KIAA1217: variants seen among roughly 807,000 people sequenced by gnomAD.
KIAA1217 encodes the protein sickle tail protein homolog.
A neutral mutation model predicts 163.9 loss-of-function variants in KIAA1217; 88 were observed. The ratio of observed to expected loss-of-function variants is 0.54; its 90% CI spans 0.45 to 0.64. The LOEUF (loss-of-function observed/expected upper bound fraction) is 0.64, where lower values mean the gene tolerates loss of function less well. Ranked by LOEUF, KIAA1217 falls within the 30% of genes least tolerant of loss-of-function variation. KIAA1217 has a pLI of 0.00. For synonymous variants in KIAA1217, 903 were observed against 923.1 expected (o/e 0.98, Z 0.39); for missense variants, 2,372 against 2,475.0 (o/e 0.96, Z 0.88).
At chr10:24,152,726 T>TA (rs34022726) in intron 2 of KIAA1217, among the ~76,000 whole-genome samples, 39,610 of 144,532 alleles carry the variant, frequency 0.27, 6,453 homozygotes, top group Non-Finnish European at 0.37. Flanking sequence ...TCTATTCCCT[T>TA]AAAAAAAAAA....
At chr10:24,495,257 G>T in intron 8 of KIAA1217, 61 bp downstream of exon 8, 1 of 1,378,262 alleles carries the variant, frequency 7.3e-7, no homozygotes, top group Non-Finnish European at 1.0e-6. Flanking sequence ...AGCCCTGGCT[G>T]GTCTCAGAAA....
At chr10:23,851,822 T>G (rs1178412722) in intron 1 of KIAA1217, among the ~76,000 whole-genome samples, 1 of 152,014 alleles carries the variant, frequency 6.6e-6, no homozygotes, top group Non-Finnish European at 1.5e-5. Context: ...TTTTGAGAAG[T>G]GTCTGTTCAT....
At chr10:24,285,730 A>G (rs1402250468) in intron 2 of KIAA1217, among the ~76,000 whole-genome samples, 2 of 152,204 alleles carry the variant, frequency 1.3e-5, no homozygotes, top group Non-Finnish European at 2.9e-5. Flanking sequence ...TTCTAATTCT[A>G]TGAAAAATGA....
chr10:24,201,705 G>T (rs1015989268), intron 2 of KIAA1217, among the ~76,000 whole-genome samples: 1 of 150,646 alleles, frequency 6.6e-6, no homozygotes, highest in Admixed American at 6.6e-5. Flanking sequence ...CTCTGCTTCC[G>T]CCCCACCTTC....
chr10:24,533,988 GTA>G (rs1409432339), intron 16 of KIAA1217, among the ~76,000 whole-genome samples: 1 of 152,134 alleles, frequency 6.6e-6, no homozygotes, highest in Non-Finnish European at 1.5e-5. Context: ...TTTGTGTAGA[GTA>G]TTTCATTTGC....
Position 24,351,973 on chromosome 10 carries a change from A to G in KIAA1217, c.355-28896A>G, listed in dbSNP as rs568295640. Among the ~76,000 whole-genome samples the G allele has an allele frequency of 1.4e-4, 21 of 152,300 alleles. No homozygotes were observed. In the South Asian group the frequency reaches 3.7e-3, roughly 27 times the overall value. On this transcript the variant is annotated intron_variant, in intron 2 of 20. Coordinates refer to ENST00000376454, the MANE Select transcript of KIAA1217 (RefSeq NM_019590.5). ...TGGTTGATGGGCAGGACAGGACTCT[A>G]CATATGCCGGTGTCTGTTAACACAA...
At position 24,543,791 on chromosome 10, in the gene KIAA1217, C is replaced by G. The variant is rs140524381; in HGVS notation, c.4521C>G (p.Ala1507=). 29 of 1,613,322 alleles carry G rather than the reference C, an allele frequency of 1.8e-5. No individual in the cohort carries two copies. The highest frequency in any genetic ancestry group is 8.3e-5 in the Admixed American group (5 of 59,906). ...CCCAGATGTCTCATAAGAAGGTGGC[C>G]CCAGGCAATCTTAGAACCGGACAAC... ...NTSQMSHKKV[A]PGNLRTGQQV... is the part of the protein sequence containing the mutation. Residue 1507 remains alanine, a synonymous_variant, in exon 19 of 21, where the codon GCC becomes GCG. Coordinates refer to ENST00000376454, the MANE Select transcript of KIAA1217 (RefSeq NM_019590.5).
chr10:24,120,748 G>T (rs566389006), intron 2 of KIAA1217, among the ~76,000 whole-genome samples: 1 of 152,256 alleles, frequency 6.6e-6, no homozygotes, highest in Admixed American at 6.5e-5. Flanking sequence ...ATTTCAAAAG[G>T]CATCAAGTCA....
chr10:23,858,351 TTGA>T (rs1421349097), intron 1 of KIAA1217, among the ~76,000 whole-genome samples: 1 of 152,080 alleles, frequency 6.6e-6, no homozygotes, highest in African/African-American at 2.4e-5. Flanking sequence ...GATTTAAAAA[TTGA>T]TGATACCTAA....
chr10:23,917,227 A>G (rs1842667311), intron 1 of KIAA1217, among the ~76,000 whole-genome samples: 1 of 152,174 alleles, frequency 6.6e-6, no homozygotes, highest in Non-Finnish European at 1.5e-5. Context: ...ACAGCATTGC[A>G]CGCAGACCTC....
chr10:24,365,342 T>C (rs2050627273), intron 2 of KIAA1217, among the ~76,000 whole-genome samples: 1 of 151,970 alleles, frequency 6.6e-6, no homozygotes, highest in African/African-American at 2.4e-5. Flanking sequence ...TTGTCCTGGT[T>C]CTCCTCCCGC....
upstream of KIAA1217, among the ~76,000 whole-genome samples, chr10:24,205,289 T>A (rs1309305732): frequency 9.6e-6 from 1 of 103,692 alleles, no homozygotes; most frequent in Admixed American, 1.3e-4. Context: ...AAACCCCGTC[T>A]CTACTAAAAA....
At chr10:23,977,079 A>G (rs1330480436) in intron 1 of KIAA1217, among the ~76,000 whole-genome samples, 2 of 152,212 alleles carry the variant, frequency 1.3e-5, no homozygotes, top group African/African-American at 4.8e-5. Flanking sequence ...TTACATTTAA[A>G]TGGAATGATG....
chr10:24,065,011 G>A (rs1464702356), intron 2 of KIAA1217, among the ~76,000 whole-genome samples: 12 of 151,888 alleles, frequency 7.9e-5, no homozygotes, highest in African/African-American at 1.5e-4. Flanking sequence ...TTTTTATTGC[G>A]TCTATTTGAT....
chr10:23,997,370 G>C (rs1208153889), intron 1 of KIAA1217, among the ~76,000 whole-genome samples: 1 of 152,050 alleles, frequency 6.6e-6, no homozygotes, highest in East Asian at 1.9e-4. Context: ...TAATTGCTTG[G>C]GTCCATGTTC....
chr10:24,091,878 G>A (rs1226028707), intron 2 of KIAA1217, among the ~76,000 whole-genome samples: 1 of 151,704 alleles, frequency 6.6e-6, no homozygotes, highest in Non-Finnish European at 1.5e-5. Flanking sequence ...AAGAGTTTTT[G>A]CAGGCATGTA....
chr10:23,731,126 C>CT (rs1389422152), intron 1 of KIAA1217, among the ~76,000 whole-genome samples: 1 of 152,014 alleles, frequency 6.6e-6, no homozygotes, highest in Admixed American at 6.6e-5. Context: ...GGTTTGCAGT[C>CT]TGCAGGATGG....
rs151017968 is a variant in KIAA1217, at chr10:23,886,315, A to C, written c.-320-120910A>C. Among the ~76,000 whole-genome samples the C allele has an allele frequency of 4.7e-3, 720 of 152,010 alleles. 3 individuals carry two copies. The highest frequency in any genetic ancestry group is 7.7e-3 in the Admixed American group (117 of 15,268). The stretch of plus-strand genomic sequence containing the variant: ...ATTATTCTGAAACACTTTCCTTTGA[A>C]TGTCTGGTGTCTCATGTTCATTCAA... On this transcript the variant is annotated intron_variant, in intron 1 of 18. Coordinates refer to the KIAA1217 transcript ENST00000376462.
intron 1 of KIAA1217, among the ~76,000 whole-genome samples, chr10:23,779,716 C>G (rs554825388): frequency 1.3e-5 from 2 of 152,262 alleles, no homozygotes; most frequent in African/African-American, 4.8e-5. Context: ...CAGATATTCA[C>G]TTAATGTACA....
Sources: gnomAD v4.1 joint callset for allele counts (sites outside exome capture counted in the v4.1 genomes callset) on GRCh38, gnomAD v4.1.1 for gene constraint, MANE v1.5 for transcripts, NCBI Gene and HGNC (gene_info 2026-07-23, HGNC 2026-07-21) for gene names.